The following DNM3 variants were observed in gnomAD, a reference collection of about 807,000 sequenced individuals.
The protein encoded by DNM3 is dynamin 3.
A neutral mutation model predicts 101.6 loss-of-function variants in DNM3; 47 were observed. The observed-to-expected ratio is 0.46, with a 90% CI of 0.37 to 0.59. The LOEUF (loss-of-function observed/expected upper bound fraction) is 0.59. DNM3 is among the 20% of genes least tolerant of loss of function. The pLI is 0.00. For synonymous variants in DNM3, 385 were observed against 387.9 expected (o/e 0.99, Z 0.09); for missense variants, 849 against 1,085.7 (o/e 0.78, Z 3.06).
At chr1:172,033,081 C>T (rs756740113) in intron 5 of DNM3, 24 bp from the exon 6 acceptor site, 1 of 1,607,034 alleles carries the variant, frequency 6.2e-7, no homozygotes, top group Admixed American at 1.7e-5. Context: ...GTCCCCAACT[C>T]CATAGATTTG....
intron 1 of DNM3, among the ~76,000 whole-genome samples, chr1:171,912,673 T>G (rs141272801): frequency 2.4e-4 from 37 of 152,332 alleles, no homozygotes; most frequent in African/African-American, 8.7e-4. Flanking sequence ...TCTTCTGATG[T>G]CACTCAAAAC....
rs148332062 is a variant in DNM3, at chr1:172,288,980, G to A, written c.1770-19748G>A. On this transcript the variant is annotated intron_variant, in intron 15 of 20. Coordinates refer to ENST00000627582, the MANE Select transcript of DNM3 (RefSeq NM_015569.5). ...GTCTTTAAATTTTTCATTAAGTTCC[G>A]TTTCCTAATATATATTTTTAGGAGT... 2.7e-3 allele frequency among the ~76,000 whole-genome samples: 408 copies of A among 152,126 alleles called. 4 individuals carry two copies. The highest frequency in any genetic ancestry group is 3.9e-3 in the Admixed American group (60 of 15,272).
chr1:172,205,711 T>A (rs907327004), intron 14 of DNM3, among the ~76,000 whole-genome samples: 3 of 152,156 alleles, frequency 2.0e-5, no homozygotes, highest in African/African-American at 7.2e-5. Flanking sequence ...TTTGGTTGAA[T>A]GATATGAAGA....
chr1:172,105,469 C>G (rs141264370), intron 13 of DNM3, among the ~76,000 whole-genome samples: 1 of 152,152 alleles, frequency 6.6e-6, no homozygotes, highest in East Asian at 1.9e-4. Context: ...TTTGTCTTAT[C>G]CCTCCATCTG....
At chr1:172,255,757 C>T (rs574542643) in intron 15 of DNM3, among the ~76,000 whole-genome samples, 1 of 152,214 alleles carries the variant, frequency 6.6e-6, no homozygotes, top group South Asian at 2.1e-4. Flanking sequence ...CTGGCAAGGA[C>T]CTCCAGTGCA....
chr1:172,049,584 G>T (rs961102082), intron 10 of DNM3, among the ~76,000 whole-genome samples: 1 of 152,132 alleles, frequency 6.6e-6, no homozygotes, highest in African/African-American at 2.4e-5. Context: ...TTCATGAAAA[G>T]AATATCTTGT....
intron 11 of DNM3, among the ~76,000 whole-genome samples, chr1:172,079,050 AT>A (rs1341095411): frequency 6.6e-6 from 1 of 151,180 alleles, no homozygotes; most frequent in African/African-American, 2.4e-5. Context: ...TGCCCTTAAC[AT>A]TTTTTCCTTC....
chr1:172,055,845 T>C (rs2050560735), intron 10 of DNM3, among the ~76,000 whole-genome samples: 1 of 152,142 alleles, frequency 6.6e-6, no homozygotes, highest in South Asian at 2.1e-4. Context: ...GGAGCCAAGA[T>C]GGCCAAATAG....
At chr1:172,046,330 T>A (rs2125852899) in intron 9 of DNM3, among the ~76,000 whole-genome samples, 1 of 152,226 alleles carries the variant, frequency 6.6e-6, no homozygotes, top group East Asian at 1.9e-4. Context: ...CCACATGTTC[T>A]CACTCATAGA....
intron 1 of DNM3, among the ~76,000 whole-genome samples, chr1:171,871,896 A>G (rs980398626): frequency 6.6e-6 from 1 of 150,526 alleles, no homozygotes; most frequent in African/African-American, 2.4e-5. Flanking sequence ...GAATATTCAA[A>G]GTGTATTTTC....
chr1:172,036,263 T>C (rs2048955591), intron 6 of DNM3, among the ~76,000 whole-genome samples: 1 of 149,692 alleles, frequency 6.7e-6, no homozygotes, highest in African/African-American at 2.5e-5. Flanking sequence ...GTGTTTGGTT[T>C]TTTGTTCTTG....
At chr1:171,988,013 T>C (rs1227404900) in intron 3 of DNM3, among the ~76,000 whole-genome samples, 3 of 152,176 alleles carry the variant, frequency 2.0e-5, no homozygotes, top group Non-Finnish European at 4.4e-5. Context: ...AGAATTGAGT[T>C]AGTCATCAAA....
chr1:172,258,621 TTTTG>T (rs1296211989), intron 15 of DNM3, among the ~76,000 whole-genome samples: 3 of 152,108 alleles, frequency 2.0e-5, no homozygotes, highest in Non-Finnish European at 2.9e-5. Flanking sequence ...TTATTTCTGA[TTTTG>T]TTTAAGTCTT....
chr1:172,099,999 A>G (rs1400179778), intron 13 of DNM3, among the ~76,000 whole-genome samples: 1 of 152,204 alleles, frequency 6.6e-6, no homozygotes, highest in Non-Finnish European at 1.5e-5. Flanking sequence ...GGCATTGTTG[A>G]CATGCTCCTT....
chr1:172,149,340 T>A (rs539854559), intron 14 of DNM3, among the ~76,000 whole-genome samples: 1 of 152,274 alleles, frequency 6.6e-6, no homozygotes, highest in South Asian at 2.1e-4. Context: ...AGTAGCATAA[T>A]ACATCCAGCA....
At chr1:171,885,631 T>G (rs1472898584) in intron 1 of DNM3, among the ~76,000 whole-genome samples, 1 of 152,168 alleles carries the variant, frequency 6.6e-6, no homozygotes, top group Non-Finnish European at 1.5e-5. Flanking sequence ...TTGCTAGTAT[T>G]GGGGTGTCAA....
chr1:172,193,140 T>A (rs905849605), intron 14 of DNM3, among the ~76,000 whole-genome samples: 2 of 152,084 alleles, frequency 1.3e-5, no homozygotes, highest in African/African-American at 4.8e-5. Context: ...ATGATGAGCA[T>A]TTTTTCGTGT....
At chr1:172,406,296 A>T (rs993346840) in intron 20 of DNM3, among the ~76,000 whole-genome samples, 1 of 152,034 alleles carries the variant, frequency 6.6e-6, no homozygotes, top group African/African-American at 2.4e-5. Context: ...ATTGCATGTA[A>T]CACCATGCTA....
chr1:172,098,712 G>A (rs1013230502), intron 13 of DNM3, among the ~76,000 whole-genome samples: 3 of 152,198 alleles, frequency 2.0e-5, no homozygotes, highest in African/African-American at 7.2e-5. Flanking sequence ...TATTAATTTG[G>A]GGAACTAATA....
Sources: gnomAD v4.1 joint callset for allele counts (sites outside exome capture counted in the v4.1 genomes callset) on GRCh38, gnomAD v4.1.1 for gene constraint, MANE v1.5 for transcripts, NCBI Gene and HGNC (gene_info 2026-07-23, HGNC 2026-07-21) for gene names.